Variants in GPHN observed in about 807,000 individuals in gnomAD.
The protein encoded by GPHN is gephyrin.
A neutral mutation model predicts 95.5 loss-of-function variants in GPHN; 17 were observed. That is an observed-to-expected ratio of 0.18 (90% confidence interval 0.12 to 0.27). The LOEUF (loss-of-function observed/expected upper bound fraction) is 0.27, where lower values mean the gene tolerates loss of function less well. Ranked by LOEUF, GPHN falls within the 10% of genes least tolerant of loss-of-function variation. GPHN has a pLI of 1.00. For synonymous variants in GPHN, 320 were observed against 322.5 expected, an observed-to-expected ratio of 0.99 and a Z score of 0.08; for missense variants, 660 against 978.1, an observed-to-expected ratio of 0.67 and a Z score of 4.34.
chr14:67,473,735 C>T, the GPHN span: 3 of 1,612,540 alleles, frequency 1.9e-6, no homozygotes, highest in East Asian at 2.2e-5. This position sits in a 1 kb window ranked among gnomAD's most constrained non-coding sequence, Gnocchi z 6.5. Flanking sequence ...GCCGCAGGTA[C>T]ATGCGCTCCA....
chr14:67,674,481 G>A, the GPHN span: 1 of 1,604,906 alleles, frequency 6.2e-7, no homozygotes, highest in Non-Finnish European at 8.5e-7. Context: ...AGGCGGCGGA[G>A]GAGGCCATGG....
chr14:67,101,782 T>G (rs1363853684), intron 13 of GPHN, among the ~76,000 whole-genome samples: 1 of 151,630 alleles, frequency 6.6e-6, no homozygotes, highest in Non-Finnish European at 1.5e-5. Flanking sequence ...GCATTTTTAA[T>G]GGAGGTTTCC....
the GPHN span, among the ~76,000 whole-genome samples, chr14:67,446,284 G>A: frequency 1.3e-5 from 2 of 152,186 alleles, no homozygotes; most frequent in African/African-American, 4.8e-5. Flanking sequence ...AGAATTCCAT[G>A]GCTCTAAACT....
the GPHN span, among the ~76,000 whole-genome samples, chr14:67,337,035 C>CTA: frequency 2.6e-5 from 4 of 152,180 alleles, no homozygotes; most frequent in Non-Finnish European, 5.9e-5. Context: ...TAAGACTACT[C>CTA]AAGTTTCCTG....
chr14:67,352,796 C>T, the GPHN span: 1 of 651,596 alleles, frequency 1.5e-6, no homozygotes, highest in Non-Finnish European at 2.6e-6. Context: ...ACTTGTTAAA[C>T]TTATAATGGT....
the GPHN span, among the ~76,000 whole-genome samples, chr14:67,722,968 T>C: frequency 1.3e-5 from 2 of 152,198 alleles, no homozygotes; most frequent in South Asian, 2.1e-4. Context: ...GAAGGCTGCA[T>C]GGATGACTCT....
the GPHN span, among the ~76,000 whole-genome samples, chr14:67,637,360 G>A: frequency 0.46 from 66,709 of 145,202 alleles, 17,602 homozygotes; most frequent in Non-Finnish European, 0.61. Context: ...GCAGTGAGCC[G>A]AGATCATGCC....
the GPHN span, among the ~76,000 whole-genome samples, chr14:67,623,597 A>G: frequency 7.7e-6 from 1 of 130,626 alleles, no homozygotes; most frequent in Non-Finnish European, 1.5e-5. Context: ...GCTGGAGTAC[A>G]GTGATGCGAT....
chr14:67,273,468 C>T, the GPHN span, among the ~76,000 whole-genome samples: 1 of 152,172 alleles, frequency 6.6e-6, no homozygotes, highest in Admixed American at 6.5e-5. Context: ...TTTTTTATGG[C>T]TGCATAGTAT....
the GPHN span, chr14:67,663,117 T>G: frequency 6.6e-7 from 1 of 1,524,014 alleles, no homozygotes; most frequent in Admixed American, 2.1e-5. Context: ...ACGTTATTCA[T>G]TCCCCTTTCA....
At chr14:67,164,502 CT>C (rs113018140) in intron 19 of GPHN, among the ~76,000 whole-genome samples, 1 of 150,552 alleles carries the variant, frequency 6.6e-6, no homozygotes. Flanking sequence ...AATCTGCTTT[CT>C]TTTTTTTTGA....
At chr14:67,694,043 C>G in the GPHN span, among the ~76,000 whole-genome samples, 19 of 152,282 alleles carry the variant, frequency 1.2e-4, no homozygotes, top group Non-Finnish European at 2.8e-4. Context: ...CTGGCCTATT[C>G]TCTTCTTGGC....
At chr14:67,281,639 T>C in the GPHN span, among the ~76,000 whole-genome samples, 1 of 152,180 alleles carries the variant, frequency 6.6e-6, no homozygotes, top group Non-Finnish European at 1.5e-5. Context: ...ATTTGTCCAT[T>C]TGGTTTACTT....
chr14:66,591,412 G>A (rs776607410), intron 1 of GPHN, among the ~76,000 whole-genome samples: 8 of 152,138 alleles, frequency 5.3e-5, no homozygotes, highest in Non-Finnish European at 8.8e-5. Flanking sequence ...AAACCCCATC[G>A]TCTCAGCCCA....
At chr14:66,941,284 T>C (rs1056127191) in intron 8 of GPHN, among the ~76,000 whole-genome samples, 1 of 151,940 alleles carries the variant, frequency 6.6e-6, no homozygotes, top group Non-Finnish European at 1.5e-5. Context: ...TAGGACTGAG[T>C]TGTTTGCAAA....
intron 4 of GPHN, among the ~76,000 whole-genome samples, chr14:66,863,417 G>A (rs1454221723): frequency 6.6e-6 from 1 of 152,000 alleles, no homozygotes; most frequent in Non-Finnish European, 1.5e-5. Flanking sequence ...CAGATTCAAT[G>A]CAATCCCTAT....
At chr14:67,546,967 C>T in the GPHN span, among the ~76,000 whole-genome samples, 35 of 152,104 alleles carry the variant, frequency 2.3e-4, no homozygotes, top group African/African-American at 8.5e-4. Flanking sequence ...CAGGGGCCAA[C>T]AGAGTGACTG....
the GPHN span, among the ~76,000 whole-genome samples, chr14:67,277,836 C>T: frequency 1.2e-4 from 18 of 151,986 alleles, no homozygotes; most frequent in East Asian, 1.7e-3. Flanking sequence ...ATAAAGCTTC[C>T]AAGTGAATCT....
the GPHN span, among the ~76,000 whole-genome samples, chr14:67,258,314 C>T: frequency 6.6e-6 from 1 of 152,050 alleles, no homozygotes; most frequent in Admixed American, 6.6e-5. Context: ...GCAGGTGGAT[C>T]GCATGAGCTC....
Sources: gnomAD v4.1 joint callset for allele counts (sites outside exome capture counted in the v4.1 genomes callset) on GRCh38, gnomAD v4.1.1 for gene constraint, Gnocchi (gnomAD v3.1) non-coding constraint, MANE v1.5 for transcripts, NCBI Gene and HGNC (gene_info 2026-07-23, HGNC 2026-07-21) for gene names.